L3MBTL4: variants seen among roughly 807,000 people sequenced by gnomAD.
The protein encoded by L3MBTL4 is L3MBTL histone methyl-lysine binding protein 4.
L3MBTL4 carries 70 observed loss-of-function variants against 84.5 expected under a neutral mutation model. The observed-to-expected ratio is 0.83, with a 90% confidence interval of 0.68 to 1.01. The LOEUF (loss-of-function observed/expected upper bound fraction) is 1.01, where lower values mean the gene tolerates loss of function less well. L3MBTL4 is among the 50% of genes least tolerant of loss of function. L3MBTL4 has a pLI of 0.00. For missense variants in L3MBTL4, 715 were observed against 754.8 expected, an observed-to-expected ratio of 0.95 and a Z score of 0.62; for synonymous variants, 274 against 259.8, an observed-to-expected ratio of 1.05 and a Z score of -0.52.
chr18:6,220,283 C>A (rs1055576542), intron 10 of L3MBTL4, among the ~76,000 whole-genome samples: 4 of 152,146 alleles, frequency 2.6e-5, no homozygotes, highest in African/African-American at 7.2e-5. Context: ...TTACCATGAC[C>A]TACAGGGCCC....
intron 14 of L3MBTL4, among the ~76,000 whole-genome samples, chr18:6,110,460 TG>T (rs2059155351): frequency 6.6e-6 from 1 of 151,640 alleles, no homozygotes; most frequent in African/African-American, 2.4e-5. Context: ...TGTGGGGGGT[TG>T]TATGTGTGGC....
At chr18:6,182,727 G>A (rs528680179) in intron 12 of L3MBTL4, among the ~76,000 whole-genome samples, 1 of 152,288 alleles carries the variant, frequency 6.6e-6, no homozygotes, top group East Asian at 1.9e-4. Flanking sequence ...CATGGTGTAA[G>A]GAAGAGGTCT....
At chr18:6,242,116 A>G (rs2604596) in intron 7 of L3MBTL4, among the ~76,000 whole-genome samples, 13,763 of 152,104 alleles carry the variant, frequency 0.09, 2,102 homozygotes, top group African/African-American at 0.31. Context: ...CTTGGAACAG[A>G]AGTCAAACTC....
chr18:6,228,128 T>C (rs2046852143), intron 10 of L3MBTL4, among the ~76,000 whole-genome samples: 1 of 152,214 alleles, frequency 6.6e-6, no homozygotes, highest in East Asian at 1.9e-4. Flanking sequence ...ACATACATTG[T>C]CAATTAATTT....
chr18:6,208,720 A>G (rs2045974524), intron 12 of L3MBTL4, among the ~76,000 whole-genome samples: 1 of 152,224 alleles, frequency 6.6e-6, no homozygotes, highest in Non-Finnish European at 1.5e-5. Flanking sequence ...ATATAACAGC[A>G]CACACTGTAC....
chr18:6,112,920 A>G (rs2059238310), intron 14 of L3MBTL4, among the ~76,000 whole-genome samples: 1 of 152,174 alleles, frequency 6.6e-6, no homozygotes, highest in African/African-American at 2.4e-5. Context: ...GTACATTTAG[A>G]ATTAATCAAA....
At chr18:6,234,825 C>A (rs1324117499) in intron 10 of L3MBTL4, among the ~76,000 whole-genome samples, 1 of 152,010 alleles carries the variant, frequency 6.6e-6, no homozygotes, top group Admixed American at 6.6e-5. Flanking sequence ...GGGTATATAC[C>A]CAAAGGATTA....
chr18:6,022,199 C>G (rs987593994), intron 16 of L3MBTL4, among the ~76,000 whole-genome samples: 2 of 152,196 alleles, frequency 1.3e-5, no homozygotes, highest in African/African-American at 4.8e-5. Flanking sequence ...TCACCATATG[C>G]TCAGCTGCTA....
chr18:6,003,611 G>A (rs759120084), intron 16 of L3MBTL4, among the ~76,000 whole-genome samples: 3 of 151,978 alleles, frequency 2.0e-5, no homozygotes, highest in Non-Finnish European at 2.9e-5. Context: ...ATTCTCAATT[G>A]CACATGAGGC....
At chr18:5,977,417 G>A (rs746827830) in intron 16 of L3MBTL4, among the ~76,000 whole-genome samples, 1 of 152,178 alleles carries the variant, frequency 6.6e-6, no homozygotes, top group Admixed American at 6.5e-5. Flanking sequence ...GGCTGCCATG[G>A]CCTCCCCTGT....
intron 16 of L3MBTL4, among the ~76,000 whole-genome samples, chr18:6,042,891 C>T (rs1397130624): frequency 1.3e-5 from 2 of 152,178 alleles, no homozygotes; most frequent in African/African-American, 2.4e-5. Flanking sequence ...TTGACATTTC[C>T]TCTTGGCTTT....
chr18:6,351,626 A>G (rs906461003), intron 1 of L3MBTL4, among the ~76,000 whole-genome samples: 3 of 151,478 alleles, frequency 2.0e-5, no homozygotes, highest in Non-Finnish European at 4.4e-5. Flanking sequence ...ATCTCGGCTC[A>G]CTGCAAGCTC....
At chr18:6,408,879 G>A (rs2055848221) in intron 1 of L3MBTL4, among the ~76,000 whole-genome samples, 1 of 152,030 alleles carries the variant, frequency 6.6e-6, no homozygotes. Context: ...GTTTCGCCAT[G>A]TTACCCAGGC....
At chr18:6,205,214 G>A (rs146721788) in intron 12 of L3MBTL4, among the ~76,000 whole-genome samples, 282 of 152,238 alleles carry the variant, frequency 1.9e-3, no homozygotes, top group African/African-American at 6.5e-3. Context: ...AAGGTGCTAC[G>A]CTGCTGGCTT....
At chr18:6,266,663 A>G (rs150280887) in intron 4 of L3MBTL4, among the ~76,000 whole-genome samples, 1,898 of 152,308 alleles carry the variant, frequency 0.012, 35 homozygotes, top group African/African-American at 0.042. Flanking sequence ...AGTGGCTTAC[A>G]CCTGTAATCC....
chr18:6,056,141 GAC>G (rs1036581945), intron 16 of L3MBTL4, among the ~76,000 whole-genome samples: 2 of 151,992 alleles, frequency 1.3e-5, no homozygotes, highest in South Asian at 2.1e-4. Flanking sequence ...TTAACAGTGA[GAC>G]AGCGATTCTG....
intron 15 of L3MBTL4, among the ~76,000 whole-genome samples, chr18:6,089,108 T>TA (rs929261203): frequency 1.3e-4 from 20 of 151,782 alleles, no homozygotes; most frequent in African/African-American, 4.4e-4. Context: ...CTTAGGCAGG[T>TA]AAAAAAATGC....
chr18:6,152,772 T>C (rs2042951449), intron 13 of L3MBTL4, among the ~76,000 whole-genome samples: 1 of 152,196 alleles, frequency 6.6e-6, no homozygotes, highest in South Asian at 2.1e-4. Context: ...TTGTTTATTT[T>C]TGCTTTTGTT....
chr18:6,370,570 TC>T (rs2054118725), intron 1 of L3MBTL4, among the ~76,000 whole-genome samples: 1 of 151,998 alleles, frequency 6.6e-6, no homozygotes, highest in Non-Finnish European at 1.5e-5. Context: ...GTACAGCAGG[TC>T]CCCCCTCCCA....
Sources: allele counts gnomAD v4.1 joint callset (sites outside exome capture counted in the v4.1 genomes callset), GRCh38; gene constraint gnomAD v4.1.1; transcripts MANE v1.5; gene names NCBI Gene and HGNC (gene_info 2026-07-23, HGNC 2026-07-21).